The following SP140 variants were observed in gnomAD, a reference collection of about 807,000 sequenced individuals.
SP140 encodes the protein SP140 nuclear body protein.
In SP140, 81 loss-of-function variants were observed where a neutral mutation model predicts 125.0. That is an observed-to-expected ratio of 0.65 (90% CI 0.54 to 0.78). The LOEUF is 0.78. Ranked by LOEUF, SP140 falls within the 30% of genes least tolerant of loss-of-function variation. The probability of loss-of-function intolerance (pLI) is 0.00; values close to 1 mark genes in which losing one functional copy is unlikely to be tolerated. For missense variants in SP140, 858 were observed against 1,037.0 expected, an observed-to-expected ratio of 0.83 and a Z score of 2.37; for synonymous variants, 312 against 354.0, an observed-to-expected ratio of 0.88 and a Z score of 1.33.
chr2:230,284,956 A>AT (rs1262988824), intron 16 of SP140, among the ~76,000 whole-genome samples: 1 of 152,158 alleles, frequency 6.6e-6, no homozygotes, highest in Non-Finnish European at 1.5e-5. Context: ...ATGTTTATAT[A>AT]TTTTTATCTG....
intron 1 of SP140, among the ~76,000 whole-genome samples, chr2:230,235,868 G>GTTTTTTTTTTTTTTTTT: frequency 1.3e-5 from 1 of 77,974 alleles, no homozygotes; most frequent in Non-Finnish European, 2.3e-5. Flanking sequence ...TCTTGTGACT[G>GTTTTTTTTTTTTTTTTT]TTTTTTTTTT....
In SP140 at chr2:230,269,870, G is replaced by A; in HGVS notation, c.1361G>A (p.Cys454Tyr). 6.2e-7 allele frequency: 1 copy of A among 1,614,030 alleles called. No individual in the cohort carries two copies. The highest frequency in any genetic ancestry group is 8.5e-7 in the Non-Finnish European group (1 of 1,179,940). ...CAATCAGCATATGAAAATGAGAAGTGTTCCTGTGTCATGTGTTTCTCAGAA... is the reference window on the plus strand; with the variant it reads ...CAATCAGCATATGAAAATGAGAAGTATTCCTGTGTCATGTGTTTCTCAGAA... ...AEQSAYENEK[C>Y]SCVMCFSEEV... The change falls in exon 14 of 27, where the codon TGT becomes TAT. Residue 454 changes from cysteine (C) to tyrosine (Y), a missense_variant. Cys to Tyr is a radical substitution (Grantham distance 194, BLOSUM62 -2). Coordinates refer to ENST00000392045, the MANE Select transcript of SP140 (RefSeq NM_007237.5).
chr2:230,279,927 T>G (rs2055282599), intron 15 of SP140, among the ~76,000 whole-genome samples: 2 of 146,022 alleles, frequency 1.4e-5, no homozygotes, highest in Non-Finnish European at 3.0e-5. Flanking sequence ...AACCAAGGTG[T>G]TTTTTTTTTT....
At chr2:230,255,600 T>C (rs1311887311) in intron 12 of SP140, 68 bp downstream of exon 12, 1 of 1,432,454 alleles carries the variant, frequency 7.0e-7, no homozygotes, top group Non-Finnish European at 9.8e-7. Flanking sequence ...TTGGAGCTCG[T>C]GTTTCCTGAT....
At position 230,255,181 on chromosome 2, in the gene SP140, T is replaced by C. The variant is rs547900782; in HGVS notation, c.1160-271T>C. ...GGAAAGCAGGGCAGAGGCCTGAGTCTAATGTGGAAAGGGGGAGGGGGAGAA... is the reference window on the plus strand; with the variant it reads ...GGAAAGCAGGGCAGAGGCCTGAGTCCAATGTGGAAAGGGGGAGGGGGAGAA... On this transcript the variant is annotated intron_variant, in intron 11 of 26. Coordinates refer to ENST00000392045, the MANE Select transcript of SP140 (RefSeq NM_007237.5). 2.6e-5 allele frequency among the ~76,000 whole-genome samples: 4 copies of C among 152,078 alleles called. No individual in the cohort carries two copies. In the South Asian group the frequency reaches 8.3e-4, roughly 32 times the overall value.
At chr2:230,268,817 A>C (rs1380510357) in intron 12 of SP140, among the ~76,000 whole-genome samples, 2 of 152,190 alleles carry the variant, frequency 1.3e-5, no homozygotes, top group African/African-American at 4.8e-5. Context: ...CTGTGGTTCC[A>C]AGGGTCCCAC....
chr2:230,232,724 T>C (rs1192189485), intron 1 of SP140, among the ~76,000 whole-genome samples: 1 of 152,250 alleles, frequency 6.6e-6, no homozygotes, highest in African/African-American at 2.4e-5. Context: ...CTTGTGTGTT[T>C]AACACAGTGT....
At chr2:230,288,098 C>A in intron 18 of SP140, 132 bp downstream of exon 18, 1 of 733,208 alleles carries the variant, frequency 1.4e-6, no homozygotes, top group African/African-American at 1.8e-5. Context: ...AGAAATGTAT[C>A]CTATTTAGTC....
chr2:230,284,215 A>G, intron 15 of SP140, 131 bp from the exon 16 acceptor site: 3 of 815,170 alleles, frequency 3.7e-6, no homozygotes, highest in South Asian at 3.5e-5. Flanking sequence ...TGCTACACTG[A>G]TCATAAAGTA....
At chr2:230,286,949 C>T (rs2056460445) in intron 17 of SP140, among the ~76,000 whole-genome samples, 3 of 152,146 alleles carry the variant, frequency 2.0e-5, no homozygotes. Flanking sequence ...CCTACATGAC[C>T]CTGATCAGCA....
At chr2:230,248,118 A>G (rs549643183) in intron 8 of SP140, 53 bp downstream of exon 8, 3 of 1,580,900 alleles carry the variant, frequency 1.9e-6, no homozygotes, top group Middle Eastern at 4.3e-4. Flanking sequence ...GAGAGTGCCA[A>G]CATGGGGTGG....
At chr2:230,288,671 C>T (rs569015281) in intron 18 of SP140, among the ~76,000 whole-genome samples, 100 of 152,096 alleles carry the variant, frequency 6.6e-4, no homozygotes, top group African/African-American at 2.3e-3. Flanking sequence ...TCCCTGTGTC[C>T]ATGTGTCCTT....
At chr2:230,203,067 G>C, upstream of SP140, 1 of 352,184 alleles carries the variant, frequency 2.8e-6, no homozygotes, top group Non-Finnish European at 5.4e-6. Flanking sequence ...TAGGTGGAGA[G>C]GAGGTGTCTT....
chr2:230,227,768 C>T (rs1394259507), intron 1 of SP140, among the ~76,000 whole-genome samples: 1 of 152,132 alleles, frequency 6.6e-6, no homozygotes, highest in African/African-American at 2.4e-5. Context: ...GTAGTGATGA[C>T]CCTTCTTTCA....
At chr2:230,248,811 T>C (rs1282522932) in intron 8 of SP140, 74 bp from the exon 9 acceptor site, 2 of 1,246,116 alleles carry the variant, frequency 1.6e-6, no homozygotes, top group African/African-American at 3.0e-5. Flanking sequence ...TTGCCCATCT[T>C]GGATGGCATG....
intron 1 of SP140, among the ~76,000 whole-genome samples, chr2:230,229,832 T>TC (rs1491350215): frequency 2.0e-5 from 3 of 152,076 alleles, no homozygotes; most frequent in Non-Finnish European, 4.4e-5. Flanking sequence ...GCTTTTTTTT[T>TC]CTTTCATCAC....
In SP140 at chr2:230,312,753, C is replaced by A; in HGVS notation, c.*69C>A. On this transcript the variant is annotated 3_prime_UTR_variant, in exon 27 of 27. Transcript: ENST00000392045. ...AAATATGCCGCTGGTTTGCCACTGACTTCAAAATGAGGTCACTTGGGCACA... is the reference window on the plus strand; with the variant it reads ...AAATATGCCGCTGGTTTGCCACTGAATTCAAAATGAGGTCACTTGGGCACA... 2 of 1,197,894 alleles carry A rather than the reference C, an allele frequency of 1.7e-6. No individual in the cohort carries two copies. The highest frequency in any genetic ancestry group is 1.2e-5 in the South Asian group (1 of 81,610). The allele number at this position is 1,197,894 out of a possible 1,614,324, so 74.2% of individuals were successfully genotyped here.
rs765611805 is a variant in SP140 at position 230,237,153 on chromosome 2, A to C, written c.130A>C (p.Arg44=). The part of the protein sequence containing the change: ...QEQVCPEPIF[R]FFRENKVEIA... ...GCAGGTTTGCCCTGAGCCCATTTTC[A>C]GGTTCTTCAGAGAAAACAAGGTGGA... is the stretch of plus-strand genomic sequence containing the variant. Residue 44 remains arginine (R), a synonymous_variant, in exon 2 of 27, where the codon AGG becomes CGG. Transcript: ENST00000392045. The surrounding 1 kb of genome is among the most constrained non-coding windows in gnomAD (Gnocchi z 5.4). 6 of 1,613,610 alleles carry C rather than the reference A, an allele frequency of 3.7e-6. No individual in the cohort carries two copies. The highest frequency in any genetic ancestry group is 5.1e-6 in the Non-Finnish European group (6 of 1,179,804).
intron 15 of SP140, among the ~76,000 whole-genome samples, chr2:230,271,595 A>G (rs1445204277): frequency 1.3e-5 from 2 of 152,128 alleles, no homozygotes; most frequent in African/African-American, 4.8e-5. Flanking sequence ...GAAAAGCAGA[A>G]CTTTCTGGAT....
Sources: allele counts gnomAD v4.1 joint callset (sites outside exome capture counted in the v4.1 genomes callset), GRCh38; gene constraint gnomAD v4.1.1; non-coding constraint Gnocchi (gnomAD v3.1); transcripts MANE v1.5; gene names NCBI Gene and HGNC (gene_info 2026-07-23, HGNC 2026-07-21).